TMEFF1: variants seen among roughly 807,000 people sequenced by gnomAD.
TMEFF1 encodes the protein tomoregulin-1.
A neutral mutation model predicts 47.5 loss-of-function variants in TMEFF1; 20 were observed. That is an observed-to-expected ratio of 0.42 (90% CI 0.30 to 0.61). The LOEUF (loss-of-function observed/expected upper bound fraction) is 0.61, where lower values mean the gene tolerates loss of function less well. Ranked by LOEUF, TMEFF1 falls within the 20% of genes least tolerant of loss-of-function variation. The pLI is 0.19. For missense variants in TMEFF1, 411 were observed against 471.1 expected, an observed-to-expected ratio of 0.87 and a Z score of 1.18; for synonymous variants, 162 against 166.3, an observed-to-expected ratio of 0.97 and a Z score of 0.20.
At chr9:100,559,995 G>A (rs139960805) in intron 7 of TMEFF1, among the ~76,000 whole-genome samples, 45 of 151,944 alleles carry the variant, frequency 3.0e-4, no homozygotes, top group African/African-American at 1.0e-3. Flanking sequence ...GAAAATCCGC[G>A]TTTTTGGTTC....
intron 5 of TMEFF1, among the ~76,000 whole-genome samples, chr9:100,524,194 T>TA (rs923527366): frequency 1.8e-4 from 27 of 152,172 alleles, no homozygotes; most frequent in Non-Finnish European, 7.3e-5. Context: ...CGTAGTTCTG[T>TA]ACCTTATTTA....
intron 1 of TMEFF1, among the ~76,000 whole-genome samples, chr9:100,492,173 C>T (rs569883197): frequency 1.2e-4 from 18 of 152,270 alleles, no homozygotes; most frequent in East Asian, 3.9e-4. Context: ...CGTGAGCCAC[C>T]GCACCTGGCC....
chr9:100,476,947 C>T (rs967343116), intron 1 of TMEFF1, among the ~76,000 whole-genome samples: 6 of 152,262 alleles, frequency 3.9e-5, no homozygotes, highest in East Asian at 1.9e-4. Flanking sequence ...CTGCCAGCCT[C>T]GGCCTCCCAA....
intron 1 of TMEFF1, among the ~76,000 whole-genome samples, chr9:100,486,672 G>A (rs372523768): frequency 3.3e-4 from 50 of 152,206 alleles, no homozygotes; most frequent in African/African-American, 1.2e-3. Context: ...GTCTCCCTCT[G>A]TTGTCAAAGC....
intron 5 of TMEFF1, among the ~76,000 whole-genome samples, chr9:100,530,819 T>C (rs1838361855): frequency 6.6e-6 from 1 of 151,910 alleles, no homozygotes; most frequent in South Asian, 2.1e-4. Flanking sequence ...TTGATGAACA[T>C]TGATGCAAAA....
intron 8 of TMEFF1, among the ~76,000 whole-genome samples, chr9:100,571,560 A>G (rs1036391588): frequency 6.6e-6 from 1 of 151,872 alleles, no homozygotes; most frequent in Non-Finnish European, 1.5e-5. Flanking sequence ...ACATTTCCAA[A>G]TATCATGTTG....
rs920119388 is a variant in TMEFF1 at position 100,574,260 on chromosome 9, T to C, written c.1058+1584T>C. On this transcript the variant is annotated intron_variant, in intron 9 of 9. Transcript: ENST00000374879. ...TCATCTGAAAAATTCATTGGAGTAG[T>C]GAACATATGAGGTAGGGGGAAGACC... is the stretch of plus-strand genomic sequence containing the variant. 1.2e-4 allele frequency among the ~76,000 whole-genome samples: 18 copies of C among 152,258 alleles called. No individual in the cohort carries two copies. In the South Asian group the frequency reaches 1.2e-3, roughly 11 times the overall value.
intron 5 of TMEFF1, among the ~76,000 whole-genome samples, chr9:100,539,067 C>T (rs1159925679): frequency 6.6e-6 from 1 of 152,048 alleles, no homozygotes; most frequent in African/African-American, 2.4e-5. Flanking sequence ...CCACCATGCC[C>T]GGCTAATTTT....
chr9:100,563,745 A>G (rs1003271666), intron 8 of TMEFF1, among the ~76,000 whole-genome samples: 23 of 152,112 alleles, frequency 1.5e-4, no homozygotes, highest in African/African-American at 5.1e-4. Context: ...GTTAACCACT[A>G]TTTTCCCTGT....
At chr9:100,539,053 C>A (rs1241083403) in intron 5 of TMEFF1, among the ~76,000 whole-genome samples, 6 of 152,154 alleles carry the variant, frequency 3.9e-5, no homozygotes. Flanking sequence ...ATTACAGGTG[C>A]CTACCACCAT....
chr9:100,493,831 C>G (rs927780918), intron 1 of TMEFF1, among the ~76,000 whole-genome samples: 1 of 151,974 alleles, frequency 6.6e-6, no homozygotes, highest in African/African-American at 2.4e-5. Flanking sequence ...GAAGATGATC[C>G]CAAAATAGAT....
intron 5 of TMEFF1, among the ~76,000 whole-genome samples, chr9:100,518,049 A>G (rs943042321): frequency 2.0e-5 from 3 of 152,096 alleles, no homozygotes; most frequent in African/African-American, 7.2e-5. Context: ...CGGTGCTTCT[A>G]TTCATCCCTA....
chr9:100,473,795 C>T lies in TMEFF1; in HGVS notation c.196+55C>T. 1 of 1,412,862 alleles carries T rather than the reference C, an allele frequency of 7.1e-7. No homozygotes were observed. Among genetic ancestry groups the T allele is most frequent in the Non-Finnish European group, 9.3e-7 (1 of 1,075,732 alleles). The allele number at this position is 1,412,862 out of a possible 1,614,324, so 87.5% of individuals were successfully genotyped here. On this transcript the variant is annotated intron_variant, in intron 1 of 9. Transcript: ENST00000374879. The surrounding 1 kb of genome is among the most constrained non-coding windows in gnomAD (Gnocchi z 5.4). ...TTCCCACCCCTCCGTTGCCGCCTCCCTCGTGGTCCCTGCGGTCGGCCGGGC... is the reference window on the plus strand; with the variant it reads ...TTCCCACCCCTCCGTTGCCGCCTCCTTCGTGGTCCCTGCGGTCGGCCGGGC...
chr9:100,563,314 GA>G (rs1839058280), intron 8 of TMEFF1, among the ~76,000 whole-genome samples: 1 of 152,220 alleles, frequency 6.6e-6, no homozygotes, highest in Non-Finnish European at 1.5e-5. Flanking sequence ...CAGTGGCATG[GA>G]TAGCTTGATA....
In TMEFF1 at chr9:100,530,303, T is replaced by G. The variant is rs546623145; in HGVS notation, c.560+13532T>G. 2.5e-3 allele frequency among the ~76,000 whole-genome samples: 378 copies of G among 152,212 alleles called. 2 individuals carry two copies. The highest frequency in any genetic ancestry group is 0.018 in the South Asian group (87 of 4,818). On this transcript the variant is annotated intron_variant, in intron 5 of 9. Transcript: ENST00000374879. Reference sequence around the variant, plus strand: ...AAAATTAATGAATCCAGGAGCTGGTTTTTTGAAAGGATCAACAAAATTGAT... The same window carrying G: ...AAAATTAATGAATCCAGGAGCTGGTGTTTTGAAAGGATCAACAAAATTGAT...
chr9:100,519,953 A>C lies in TMEFF1; in HGVS notation c.560+3182A>C, dbSNP rs77974647. 6.7e-3 allele frequency among the ~76,000 whole-genome samples: 1,017 copies of C among 152,212 alleles called. 7 individuals carry two copies. Among genetic ancestry groups the C allele is most frequent in the African/African-American group, 0.024 (990 of 41,536 alleles). Reference sequence around the variant, plus strand: ...TATTAAGTCAAACAAAATTCTGTGGAATAGTACTTACCTTTATTAAATGCA... The same window carrying C: ...TATTAAGTCAAACAAAATTCTGTGGCATAGTACTTACCTTTATTAAATGCA... On this transcript the variant is annotated intron_variant, in intron 5 of 9. Transcript: ENST00000374879.
rs141572254 is a variant in TMEFF1, at chr9:100,483,354, G to A, written c.196+9614G>A. Among the ~76,000 whole-genome samples the A allele has an allele frequency of 4.8e-3, 726 of 152,076 alleles. 4 individuals carry two copies. Among genetic ancestry groups the A allele is most frequent in the African/African-American group, 0.017 (685 of 41,514 alleles). On this transcript the variant is annotated intron_variant, in intron 1 of 9. Coordinates refer to ENST00000374879, the MANE Select transcript of TMEFF1 (RefSeq NM_003692.5). The stretch of plus-strand genomic sequence containing the variant: ...TCTATTAAAAATACAAAAATTAGCC[G>A]GGCATGGTGGCGCATGCCTGTAATC...
intron 1 of TMEFF1, among the ~76,000 whole-genome samples, chr9:100,496,552 C>T (rs999095242): frequency 1.3e-5 from 2 of 152,202 alleles, no homozygotes; most frequent in African/African-American, 4.8e-5. Flanking sequence ...TGGGACCAAG[C>T]TTTTCTGCCT....
At chr9:100,516,926 A>T (rs1297358992) in intron 5 of TMEFF1, among the ~76,000 whole-genome samples, 155 bp downstream of exon 5, 1 of 152,152 alleles carries the variant, frequency 6.6e-6, no homozygotes, top group African/African-American at 2.4e-5. Flanking sequence ...TTAAATTGAT[A>T]TAATACTATG....
Sources: gnomAD v4.1 joint callset for allele counts (sites outside exome capture counted in the v4.1 genomes callset) on GRCh38, gnomAD v4.1.1 for gene constraint, Gnocchi (gnomAD v3.1) non-coding constraint, MANE v1.5 for transcripts, NCBI Gene and HGNC (gene_info 2026-07-23, HGNC 2026-07-21) for gene names.